The following TNKS variants were observed in gnomAD, a reference collection of about 807,000 sequenced individuals.
The protein encoded by TNKS is tankyrase, also known as poly [ADP-ribose] polymerase tankyrase-1.
A neutral mutation model predicts 135.8 loss-of-function variants in TNKS; 72 were observed. The ratio of observed to expected loss-of-function variants is 0.53; its 90% CI spans 0.44 to 0.64. The LOEUF (loss-of-function observed/expected upper bound fraction) is 0.64. TNKS is among the 30% of genes least tolerant of loss of function. The pLI, the probability that TNKS is intolerant of heterozygous loss-of-function variation, is 0.00. For missense variants in TNKS, 1,769 were observed against 1,674.0 expected (o/e 1.06, Z -0.99); for synonymous variants, 849 against 649.3 (o/e 1.31, Z -4.68).
chr8:9,759,748 G>C (rs947402629), intron 20 of TNKS, among the ~76,000 whole-genome samples: 1 of 152,078 alleles, frequency 6.6e-6, no homozygotes, highest in Admixed American at 6.5e-5. Flanking sequence ...GCCAAGACGG[G>C]CAGATCACGA....
chr8:9,651,285 AGTTTAT>A (rs1471828561), intron 3 of TNKS, among the ~76,000 whole-genome samples: 1 of 152,142 alleles, frequency 6.6e-6, no homozygotes, highest in African/African-American at 2.4e-5. Flanking sequence ...TAGCAGCTAA[AGTTTAT>A]GTTTATGTAT....
chr8:9,649,820 T>C (rs530433052), intron 3 of TNKS, among the ~76,000 whole-genome samples: 3 of 152,160 alleles, frequency 2.0e-5, no homozygotes, highest in South Asian at 2.1e-4. Context: ...TTTTTATGGC[T>C]GAGTACTAGT....
intron 3 of TNKS, among the ~76,000 whole-genome samples, chr8:9,662,589 C>G (rs1275959478): frequency 6.6e-6 from 1 of 151,938 alleles, no homozygotes; most frequent in Non-Finnish European, 1.5e-5. Context: ...ACACCGGGGA[C>G]AGTTGTGTGG....
At chr8:9,652,077 C>T (rs12056756) in intron 3 of TNKS, among the ~76,000 whole-genome samples, 1 of 152,066 alleles carries the variant, frequency 6.6e-6, no homozygotes, top group African/African-American at 2.4e-5. Context: ...AGAAACAAAT[C>T]TTTACTTTCA....
At chr8:9,767,622 G>C (rs544362176) in intron 25 of TNKS, among the ~76,000 whole-genome samples, 1 of 152,024 alleles carries the variant, frequency 6.6e-6, no homozygotes, top group South Asian at 2.1e-4. Context: ...TCATATACCC[G>C]GAAGGAAACT....
intron 1 of TNKS, among the ~76,000 whole-genome samples, chr8:9,576,717 T>C (rs923016011): frequency 1.3e-5 from 2 of 152,016 alleles, no homozygotes; most frequent in Non-Finnish European, 1.5e-5. Context: ...CAATTCAACA[T>C]GAGATTTGGG....
At chr8:9,624,008 A>G (rs979113511) in intron 3 of TNKS, among the ~76,000 whole-genome samples, 1 of 147,690 alleles carries the variant, frequency 6.8e-6, no homozygotes, top group Non-Finnish European at 1.5e-5. Flanking sequence ...CGTCTCAAGA[A>G]AAAAGGAAAA....
Position 9,748,212 on chromosome 8 carries a change from A to G in TNKS, c.2832A>G (p.Thr944=), listed in dbSNP as rs1432411161. The change falls in exon 18 of 27, where the codon ACA becomes ACG. Residue 944 remains threonine (T), a splice_region_variant and synonymous_variant. Coordinates refer to ENST00000310430, the MANE Select transcript of TNKS (RefSeq NM_003747.3). ...GCCAGACGCCTCTGGATCTGGCAACAGTAAGTCCTCATTTCAGATACTGAT... is the reference window on the plus strand; with the variant it reads ...GCCAGACGCCTCTGGATCTGGCAACGGTAAGTCCTCATTTCAGATACTGAT... The part of the protein sequence containing the change: ...QEGQTPLDLA[T]ADDIRALLID... 4.6e-6 allele frequency: 7 copies of G among 1,535,390 alleles called. No individual in the cohort carries two copies. Among genetic ancestry groups the G allele is most frequent in the Non-Finnish European group, 6.1e-6 (7 of 1,139,262 alleles).
chr8:9,647,013 G>T (rs1469151104), intron 3 of TNKS, among the ~76,000 whole-genome samples: 5 of 152,132 alleles, frequency 3.3e-5, no homozygotes, highest in African/African-American at 9.7e-5. Context: ...AAACTAAAAC[G>T]TGGATCAGAT....
At chr8:9,647,213 C>G (rs1800951178) in intron 3 of TNKS, among the ~76,000 whole-genome samples, 1 of 152,174 alleles carries the variant, frequency 6.6e-6, no homozygotes. Flanking sequence ...CTAGACAATA[C>G]TTACCTTTGT....
At chr8:9,740,055 T>A (rs1219725984) in intron 17 of TNKS, among the ~76,000 whole-genome samples, 5 of 87,424 alleles carry the variant, frequency 5.7e-5, no homozygotes, top group Admixed American at 1.4e-4. Context: ...TAGAGTATAA[T>A]AAAAAAAAAA....
intron 3 of TNKS, among the ~76,000 whole-genome samples, chr8:9,636,385 C>T (rs1800512233): frequency 4.2e-5 from 2 of 47,516 alleles, no homozygotes; most frequent in East Asian, 1.0e-3. Context: ...GGTTTTCTGA[C>T]CTTAGACAGC....
At chr8:9,678,982 C>A (rs777705320) in intron 3 of TNKS, among the ~76,000 whole-genome samples, 1 of 152,112 alleles carries the variant, frequency 6.6e-6, no homozygotes, top group African/African-American at 2.4e-5. Flanking sequence ...ACTGAAGGAA[C>A]AAACACTGTA....
At chr8:9,567,366 C>T (rs1277046748) in intron 1 of TNKS, among the ~76,000 whole-genome samples, 1 of 152,092 alleles carries the variant, frequency 6.6e-6, no homozygotes, top group Non-Finnish European at 1.5e-5. Context: ...CTTTGAAGAA[C>T]CTCATAACTA....
chr8:9,639,757 T>G (rs1043732469), intron 3 of TNKS, among the ~76,000 whole-genome samples: 20 of 152,134 alleles, frequency 1.3e-4, no homozygotes, highest in African/African-American at 4.3e-4. Flanking sequence ...TATAAGTGTA[T>G]TAGGGTGAAA....
chr8:9,588,639 C>T (rs1798479866), intron 2 of TNKS, among the ~76,000 whole-genome samples: 1 of 152,168 alleles, frequency 6.6e-6, no homozygotes, highest in African/African-American at 2.4e-5. Context: ...CATGATTAAA[C>T]ATTTTAGGTT....
At chr8:9,587,928 A>T (rs117843790) in intron 2 of TNKS, among the ~76,000 whole-genome samples, 3,566 of 152,332 alleles carry the variant, frequency 0.023, 67 homozygotes, top group Non-Finnish European at 0.036. Context: ...AATACAATTA[A>T]AACTGCTTTC....
At chr8:9,770,602 C>G (rs1391907584) in intron 26 of TNKS, among the ~76,000 whole-genome samples, 1 of 152,152 alleles carries the variant, frequency 6.6e-6, no homozygotes, top group East Asian at 1.9e-4. Context: ...GTTAGTGGGT[C>G]TTCATGGATG....
chr8:9,644,669 A>G (rs535304799), intron 3 of TNKS, among the ~76,000 whole-genome samples: 2 of 152,160 alleles, frequency 1.3e-5, no homozygotes, highest in Non-Finnish European at 2.9e-5. Context: ...TCAACCCACA[A>G]CAGCACCTTC....
Sources: allele counts gnomAD v4.1 joint callset (sites outside exome capture counted in the v4.1 genomes callset), GRCh38; gene constraint gnomAD v4.1.1; transcripts MANE v1.5; gene names NCBI Gene and HGNC (gene_info 2026-07-23, HGNC 2026-07-21).